ANO2: variants seen among roughly 807,000 people sequenced by gnomAD.
ANO2 encodes the protein anoctamin-2.
A neutral mutation model predicts 124.2 loss-of-function variants in ANO2; 101 were observed. The ratio of observed to expected loss-of-function variants is 0.81; its 90% CI spans 0.69 to 0.96. ANO2 has a LOEUF of 0.96. Ranked by LOEUF, ANO2 falls within the 40% of genes least tolerant of loss-of-function variation. The pLI is 0.00. For missense variants in ANO2, 1,293 were observed against 1,274.5 expected, an observed-to-expected ratio of 1.01 and a Z score of -0.22; for synonymous variants, 486 against 482.5, an observed-to-expected ratio of 1.01 and a Z score of -0.09.
chr12:5,669,149 T>C (rs895597697), intron 14 of ANO2, among the ~76,000 whole-genome samples: 4 of 152,204 alleles, frequency 2.6e-5, no homozygotes, highest in Admixed American at 6.5e-5. Context: ...ATTTTCACAA[T>C]ATTGATTCTT....
chr12:5,933,158 A>G (rs151130464), intron 1 of ANO2, among the ~76,000 whole-genome samples: 187 of 152,304 alleles, frequency 1.2e-3, no homozygotes, highest in African/African-American at 4.3e-3. Flanking sequence ...AACATGGCCT[A>G]CAAGGCCCTT....
In ANO2 at chr12:5,922,781, G is replaced by A; in HGVS notation, c.46C>T (p.Pro16Ser). ...PRDIPLLPGS[P>S]RRLSPQAGSR... ...CCTGCCTGAGGGCTCAGCCGGCGTG[G>A]GGAGCCAGGGAGCAGGGGTATATCT... The change falls in exon 2 of 25, where the codon CCA becomes TCA. Residue 16 changes from proline to serine, a missense_variant. Coordinates refer to ENST00000682330, the MANE Select transcript of ANO2 (RefSeq NM_001364791.2). The A allele has an allele frequency of 1.3e-6, 2 of 1,535,144 alleles. No individual in the cohort carries two copies. Among genetic ancestry groups the A allele is most frequent in the Non-Finnish European group, 1.8e-6 (2 of 1,141,860 alleles).
At chr12:5,624,280 C>G (rs1019168233) in intron 16 of ANO2, among the ~76,000 whole-genome samples, 11 of 151,974 alleles carry the variant, frequency 7.2e-5, no homozygotes, top group Non-Finnish European at 1.2e-4. Flanking sequence ...GACAGACAGA[C>G]AGAGAGACAG....
rs183479282 is a variant in ANO2, at chr12:5,601,110, A to G, written c.2088-1481T>C. The stretch of plus-strand genomic sequence containing the variant: ...AATCACCAACTATATGTCCATGGGC[A>G]AGTTATTACAACTCTATAAGCTTTA... On this transcript the variant is annotated intron_variant, in intron 19 of 24. Coordinates refer to ENST00000682330, the MANE Select transcript of ANO2 (RefSeq NM_001364791.2). Among the ~76,000 whole-genome samples the G allele has an allele frequency of 2.5e-3, 383 of 152,340 alleles. 1 individual carries two copies. The highest frequency in any genetic ancestry group is 8.6e-3 in the African/African-American group (357 of 41,586).
At chr12:5,705,444 C>G (rs1949571815) in intron 14 of ANO2, among the ~76,000 whole-genome samples, 1 of 152,228 alleles carries the variant, frequency 6.6e-6, no homozygotes, top group Non-Finnish European at 1.5e-5. Flanking sequence ...GTACACTTCC[C>G]CTCGTCACCC....
intron 13 of ANO2, 199 bp downstream of exon 13, chr12:5,739,118 G>C (rs1565628220): frequency 1.5e-6 from 1 of 688,838 alleles, no homozygotes; most frequent in Non-Finnish European, 2.7e-6. Context: ...CAAGGGAAGA[G>C]GGGGTACTTG....
chr12:5,775,734 C>G (rs2137126701), intron 10 of ANO2, among the ~76,000 whole-genome samples: 2 of 152,230 alleles, frequency 1.3e-5, no homozygotes, highest in Non-Finnish European at 2.9e-5. Context: ...GTGCATCAAT[C>G]TTTTATTTAG....
At chr12:5,683,997 C>T (rs1565564175) in intron 14 of ANO2, among the ~76,000 whole-genome samples, 1 of 152,186 alleles carries the variant, frequency 6.6e-6, no homozygotes, top group East Asian at 1.9e-4. Context: ...ATCTATAATT[C>T]ACCATGGCAG....
At chr12:5,826,343 C>T (rs2137207812) in intron 7 of ANO2, among the ~76,000 whole-genome samples, 1 of 151,864 alleles carries the variant, frequency 6.6e-6, no homozygotes, top group South Asian at 2.1e-4. Flanking sequence ...CTTGATTGGA[C>T]TGAAAGATGC....
intron 10 of ANO2, among the ~76,000 whole-genome samples, chr12:5,783,921 T>C (rs1176888071): frequency 6.6e-6 from 1 of 152,184 alleles, no homozygotes; most frequent in African/African-American, 2.4e-5. Flanking sequence ...GGGGCAACTT[T>C]TCCTATCCCT....
chr12:5,735,431 C>CA (rs1383343099), intron 13 of ANO2, among the ~76,000 whole-genome samples: 1 of 152,180 alleles, frequency 6.6e-6, no homozygotes, highest in Non-Finnish European at 1.5e-5. Flanking sequence ...AGTCATCAAG[C>CA]ACCTGCTATA....
At chr12:5,842,924 A>G (rs1051242965) in intron 4 of ANO2, among the ~76,000 whole-genome samples, 2 of 152,164 alleles carry the variant, frequency 1.3e-5, no homozygotes, top group African/African-American at 4.8e-5. Flanking sequence ...AACAAAATGA[A>G]TAAAAAGCAT....
chr12:5,571,670 TC>T (rs1942129629), intron 23 of ANO2, among the ~76,000 whole-genome samples: 1 of 152,160 alleles, frequency 6.6e-6, no homozygotes, highest in Non-Finnish European at 1.5e-5. Flanking sequence ...TCTATCATAG[TC>T]CCTTCTCCTC....
At position 5,570,808 on chromosome 12, in the gene ANO2, A is replaced by T. The variant is rs888226428; in HGVS notation, c.2621+5026T>A. 5.3e-5 allele frequency among the ~76,000 whole-genome samples: 8 copies of T among 152,256 alleles called. No homozygotes were observed. In the East Asian group the frequency reaches 1.3e-3, roughly 26 times the overall value. ...TAATGTCATGTTAATGCTGAACACA[A>T]CTACATACAATATTTTCATACCATC... On this transcript the variant is annotated intron_variant, in intron 23 of 24. Coordinates refer to ENST00000682330, the MANE Select transcript of ANO2 (RefSeq NM_001364791.2).
chr12:5,704,658 C>T (rs1217719189), intron 14 of ANO2, among the ~76,000 whole-genome samples: 2 of 151,818 alleles, frequency 1.3e-5, no homozygotes, highest in East Asian at 3.9e-4. Flanking sequence ...AAGTCCCCAC[C>T]GTGAGCTTCT....
chr12:5,591,012 T>G (rs1301937691), intron 20 of ANO2, among the ~76,000 whole-genome samples: 1 of 152,130 alleles, frequency 6.6e-6, no homozygotes, highest in Non-Finnish European at 1.5e-5. Flanking sequence ...AAACCCCGTC[T>G]CTACTAAAAA....
chr12:5,687,169 T>C (rs1009183021), intron 14 of ANO2, among the ~76,000 whole-genome samples: 1 of 152,214 alleles, frequency 6.6e-6, no homozygotes, highest in Non-Finnish European at 1.5e-5. Flanking sequence ...TAAGCTAGGT[T>C]ACCAAATGAT....
At chr12:5,714,612 C>A (rs1463344770) in intron 14 of ANO2, among the ~76,000 whole-genome samples, 1 of 152,202 alleles carries the variant, frequency 6.6e-6, no homozygotes, top group Non-Finnish European at 1.5e-5. Flanking sequence ...GTAGTTATTG[C>A]TGCTCCTTCT....
chr12:5,693,777 G>A (rs922137003), intron 14 of ANO2, among the ~76,000 whole-genome samples: 4 of 152,046 alleles, frequency 2.6e-5, no homozygotes, highest in Admixed American at 6.5e-5. Flanking sequence ...CAGGACCTTT[G>A]CATTTGCTGC....
Sources: allele counts gnomAD v4.1 joint callset (sites outside exome capture counted in the v4.1 genomes callset), GRCh38; gene constraint gnomAD v4.1.1; transcripts MANE v1.5; gene names NCBI Gene and HGNC (gene_info 2026-07-23, HGNC 2026-07-21).